Variants in USP8 observed in about 807,000 individuals in gnomAD.
USP8 encodes the protein ubiquitin specific peptidase 8, also known as ubiquitin carboxyl-terminal hydrolase 8.
A neutral mutation model predicts 130.0 loss-of-function variants in USP8; 27 were observed. The observed-to-expected ratio is 0.21, with a 90% CI of 0.15 to 0.29. The LOEUF (loss-of-function observed/expected upper bound fraction) is 0.29, where lower values mean the gene tolerates loss of function less well. Among genes scored for constraint, USP8 ranks in the 10% least tolerant of loss-of-function variants. The pLI is 1.00. For synonymous variants in USP8, 392 were observed against 444.1 expected, an observed-to-expected ratio of 0.88 and a Z score of 1.48; for missense variants, 1,029 against 1,312.2, an observed-to-expected ratio of 0.78 and a Z score of 3.33.
chr15:50,438,234 A>T (rs2050146410), intron 1 of USP8, among the ~76,000 whole-genome samples: 1 of 152,226 alleles, frequency 6.6e-6, no homozygotes, highest in South Asian at 2.1e-4. Context: ...TTAGATGTTC[A>T]TTGATGTCCA....
chr15:50,500,770 C>A lies in USP8; in HGVS notation c.*1682C>A. 1 of 1,586,216 alleles carries A rather than the reference C, an allele frequency of 6.3e-7. No homozygotes were observed. The highest frequency in any genetic ancestry group is 8.6e-7 in the Non-Finnish European group (1 of 1,165,504). ...GACTCGTGTGTTATCAAAGCTATATCAGGCCTGGGTGACTGAATTCTTGCA... is the reference window on the plus strand; with the variant it reads ...GACTCGTGTGTTATCAAAGCTATATAAGGCCTGGGTGACTGAATTCTTGCA... On this transcript the variant is annotated 3_prime_UTR_variant, in exon 20 of 20. Transcript: ENST00000307179.
Position 50,494,198 on chromosome 15 carries a change from A to G in USP8, c.2576A>G (p.Asp859Gly), listed in dbSNP as rs1203248629. The change falls in exon 16 of 20, where the codon GAC becomes GGC. Residue 859 changes from aspartate to glycine, a missense_variant. By Grantham distance (94) the Asp-to-Gly change is moderately conservative. Around this residue, in one of 4 missense-constraint regions of USP8, gnomAD observed 257 missense variants for 429.8 expected, o/e 0.60. Coordinates refer to ENST00000307179, the MANE Select transcript of USP8 (RefSeq NM_005154.5). ...DFKITIGKINDQFAGYSQQDS... is the reference protein window; with the variant it reads ...DFKITIGKINGQFAGYSQQDS... ...AAAATCACCATTGGGAAGATCAATG[A>G]CCAGTTTGCAGGATACAGTCAGCAA... is the stretch of plus-strand genomic sequence containing the variant. 6.2e-7 allele frequency: 1 copy of G among 1,614,000 alleles called. No homozygotes were observed. The highest frequency in any genetic ancestry group is 2.2e-5 in the East Asian group (1 of 44,866).
rs534792309 is a variant in USP8 at position 50,507,478 on chromosome 15, A to G, written c.*8390A>G. The G allele has an allele frequency of 6.6e-6, 1 of 152,314 alleles. No individual in the cohort carries two copies. The highest frequency in any genetic ancestry group is 1.9e-4 in the East Asian group (1 of 5,186). 9.4% of individuals were successfully genotyped at this position (152,314 alleles called of 1,614,324 possible). On this transcript the variant is annotated 3_prime_UTR_variant, in exon 20 of 20. Coordinates refer to ENST00000307179, the MANE Select transcript of USP8 (RefSeq NM_005154.5). Reference sequence around the variant, plus strand: ...ACCAAGAGAAAGCTGAAGTAGCTATACATCAGCTAAAATGGTCCCTAAGAT... The same window carrying G: ...ACCAAGAGAAAGCTGAAGTAGCTATGCATCAGCTAAAATGGTCCCTAAGAT...
Position 50,481,959 on chromosome 15 carries a change from A to C in USP8, c.1697A>C (p.Lys566Thr), listed in dbSNP as rs758792740. 1 of 1,606,682 alleles carries C rather than the reference A, an allele frequency of 6.2e-7. No individual in the cohort carries two copies. The highest frequency in any genetic ancestry group is 1.3e-5 in the African/African-American group (1 of 74,360). ...KSEHETSDAKKSVEDRGKRCP... is the reference protein window; with the variant it reads ...KSEHETSDAKTSVEDRGKRCP... ...GAACATGAAACTTCTGATGCCAAGA[A>C]ATCTGTAGAAGATAGGGGGAAAAGG... The change falls in exon 11 of 20, where the codon AAA becomes ACA. Residue 566 changes from lysine to threonine, a missense_variant. By Grantham distance (78) the Lys-to-Thr change is moderately conservative. This residue lies in a region of USP8 where 486 missense variants were observed against 522.0 expected (regional missense o/e 0.93). Transcript: ENST00000307179.
rs2052573307 is a variant in USP8, at chr15:50,500,892, G to A, written c.*1804G>A. ...ATTCACATATGAACACTAACTACTG[G>A]AACAGAAATGATAGGGCCAAGAGAT... On this transcript the variant is annotated 3_prime_UTR_variant, in exon 20 of 20. Coordinates refer to ENST00000307179, the MANE Select transcript of USP8 (RefSeq NM_005154.5). 2 of 1,341,552 alleles carry A rather than the reference G, an allele frequency of 1.5e-6. No homozygotes were observed. The highest frequency in any genetic ancestry group is 1.0e-6 in the Non-Finnish European group (1 of 956,030). The allele number at this position is 1,341,552 out of a possible 1,614,324, so 83.1% of individuals were successfully genotyped here.
At chr15:50,494,040 T>G (rs374051412) in intron 15 of USP8, 30 bp from the exon 16 acceptor site, 1 of 1,590,928 alleles carries the variant, frequency 6.3e-7, no homozygotes, top group Non-Finnish European at 8.5e-7. Flanking sequence ...TTTCCTTTAT[T>G]GTCTTTTGTA....
intron 3 of USP8, among the ~76,000 whole-genome samples, chr15:50,441,969 C>CTTTTTTTTTT (rs1011150634): frequency 1.2e-5 from 1 of 81,438 alleles, no homozygotes; most frequent in African/African-American, 5.0e-5. Flanking sequence ...CTCCCTAAAT[C>CTTTTTTTTTT]TTTTTTTTTT....
chr15:50,512,078 G>A lies in USP8; in HGVS notation c.*12990G>A, dbSNP rs1177129912. 6.6e-6 allele frequency: 1 copy of A among 152,148 alleles called. No individual in the cohort carries two copies. The highest frequency in any genetic ancestry group is 2.4e-5 in the African/African-American group (1 of 41,432). The allele number at this position is 152,148 out of a possible 1,614,324, so 9.4% of individuals were successfully genotyped here. A position where few individuals can be genotyped will look rare whatever the true frequency, so the allele number is the denominator to read the frequency against. On this transcript the variant is annotated 3_prime_UTR_variant, in exon 20 of 20. Coordinates refer to ENST00000307179, the MANE Select transcript of USP8 (RefSeq NM_005154.5). The stretch of plus-strand genomic sequence containing the variant: ...ATATAAAGTAGAGGCCAGGAGAAGT[G>A]GTTCATGCCTGTAATCCGAGCACTT...
intron 17 of USP8, among the ~76,000 whole-genome samples, chr15:50,496,590 C>A (rs938184219): frequency 1.3e-5 from 2 of 150,928 alleles, no homozygotes; most frequent in Admixed American, 1.3e-4. Context: ...TTTAAAGATA[C>A]CTTTATTAAA....
chr15:50,459,727 C>T (rs986282558), intron 5 of USP8, among the ~76,000 whole-genome samples: 3 of 152,106 alleles, frequency 2.0e-5, no homozygotes, highest in Admixed American at 1.3e-4. Flanking sequence ...ATAGAAAAAT[C>T]ATTTGAGCTG....
Position 50,513,509 on chromosome 15 carries a change from G to A in USP8, c.*14421G>A, listed in dbSNP as rs1411153629. ...GAGGTCATGAGTTCGAGACAAGAGC[G>A]AAACTGTCTAAAAAAAAAAAAAAAA... On this transcript the variant is annotated 3_prime_UTR_variant, in exon 20 of 20. Transcript: ENST00000307179. 3.5e-5 allele frequency: 4 copies of A among 114,900 alleles called. No homozygotes were observed. Among genetic ancestry groups the A allele is most frequent in the Admixed American group, 3.1e-4 (3 of 9,598 alleles). The allele number at this position is 114,900 out of a possible 1,614,324, so 7.1% of individuals were successfully genotyped here. A position where few individuals can be genotyped will look rare whatever the true frequency, so the allele number is the denominator to read the frequency against.
chr15:50,427,569 T>G (rs1048322763), intron 1 of USP8, among the ~76,000 whole-genome samples: 1 of 149,306 alleles, frequency 6.7e-6, no homozygotes, highest in Non-Finnish European at 1.5e-5. Context: ...TTTTTTTTTT[T>G]TTTTTTTTTT....
rs1288098442 is a variant in USP8, at chr15:50,481,936, A to T, written c.1674A>T (p.Glu558Asp). 4 of 1,608,332 alleles carry T rather than the reference A, an allele frequency of 2.5e-6. No individual in the cohort carries two copies. The highest frequency in any genetic ancestry group is 3.4e-6 in the Non-Finnish European group (4 of 1,178,622). Reference protein sequence around the residue: ...ITGVKRQSKSEHETSDAKKSV... With the variant: ...ITGVKRQSKSDHETSDAKKSV... Reference sequence around the variant, plus strand: ...GAGTAAAAAGACAAAGTAAAAGTGAACATGAAACTTCTGATGCCAAGAAAT... The same window carrying T: ...GAGTAAAAAGACAAAGTAAAAGTGATCATGAAACTTCTGATGCCAAGAAAT... Residue 558 changes from glutamate to aspartate, a missense_variant, in exon 11 of 20, where the codon GAA becomes GAT. Coordinates refer to ENST00000307179, the MANE Select transcript of USP8 (RefSeq NM_005154.5).
chr15:50,460,470 A>C (rs1303052132), intron 5 of USP8, among the ~76,000 whole-genome samples: 1 of 146,146 alleles, frequency 6.8e-6, no homozygotes, highest in Non-Finnish European at 1.5e-5. Context: ...CACCATGCCC[A>C]GCTAATTTTC....
At chr15:50,451,958 T>C (rs1595922165) in intron 4 of USP8, among the ~76,000 whole-genome samples, 1 of 152,348 alleles carries the variant, frequency 6.6e-6, no homozygotes, top group East Asian at 1.9e-4. Flanking sequence ...AATCATCTGA[T>C]GTCATGGTCT....
intron 3 of USP8, among the ~76,000 whole-genome samples, chr15:50,442,060 T>C (rs1377426106): frequency 1.4e-5 from 2 of 146,292 alleles, no homozygotes; most frequent in South Asian, 2.2e-4. Context: ...CACTGCAACC[T>C]GTCTCCTGGG....
At chr15:50,494,450 A>G (rs2052294795) in intron 16 of USP8, among the ~76,000 whole-genome samples, 170 bp downstream of exon 16, 1 of 152,250 alleles carries the variant, frequency 6.6e-6, no homozygotes, top group Non-Finnish European at 1.5e-5. Flanking sequence ...TATTTGAAGC[A>G]TATACAGTTG....
At chr15:50,472,465 C>T (rs373366782) in intron 8 of USP8, among the ~76,000 whole-genome samples, 17 of 151,386 alleles carry the variant, frequency 1.1e-4, no homozygotes, top group African/African-American at 4.1e-4. Context: ...GGCGCAGTGG[C>T]GGGGGCCTGT....
At chr15:50,430,570 T>A (rs931722272) in intron 1 of USP8, among the ~76,000 whole-genome samples, 5 of 151,992 alleles carry the variant, frequency 3.3e-5, no homozygotes, top group African/African-American at 4.8e-5. Flanking sequence ...GCTAATTTTT[T>A]ATTTTTTTAT....
Sources: allele counts gnomAD v4.1 joint callset (sites outside exome capture counted in the v4.1 genomes callset), GRCh38; gene constraint gnomAD v4.1.1; regional missense constraint gnomAD v4.1.1; transcripts MANE v1.5; gene names NCBI Gene and HGNC (gene_info 2026-07-23, HGNC 2026-07-21).